MUC5B: variants seen among roughly 807,000 people sequenced by gnomAD.
MUC5B encodes the protein mucin-5B.
In MUC5B, 116 loss-of-function variants were observed where a neutral mutation model predicts 376.9. That is an observed-to-expected ratio of 0.31 (90% CI 0.26 to 0.36). MUC5B has a LOEUF of 0.36. MUC5B is among the 10% of genes least tolerant of loss of function. MUC5B has a pLI of 1.00. For missense variants in MUC5B, 7,165 were observed against 7,769.9 expected, an observed-to-expected ratio of 0.92 and a Z score of 2.93; for synonymous variants, 3,517 against 3,390.9, an observed-to-expected ratio of 1.04 and a Z score of -1.29.
At chr11:1,230,799 G>A in intron 12 of MUC5B, 137 bp from the exon 13 acceptor site, 1 of 1,102,250 alleles carries the variant, frequency 9.1e-7, no homozygotes, top group South Asian at 1.4e-5. Context: ...CAATTGCAGA[G>A]CCCACCGCAG....
intron 38 of MUC5B, 33 bp downstream of exon 38, chr11:1,256,258 C>A (rs1487133368): frequency 2.8e-6 from 2 of 716,932 alleles, no homozygotes; most frequent in East Asian, 2.7e-5. Context: ...CCTTCCCTGC[C>A]ACCCAGGCCT....
At position 1,247,114 on chromosome 11, in the gene MUC5B, A is replaced by G; in HGVS notation, c.10234A>G (p.Thr3412Ala). The change falls in exon 31 of 49, where the codon ACA (threonine) becomes GCA (alanine). Residue 3412 changes from threonine to alanine, a missense_variant. By Grantham distance (58) the Thr-to-Ala change is moderately conservative. Transcript: ENST00000529681. Reference protein sequence around the residue: ...STTNPSSTPGTTPIPPVLTTT... With the variant: ...STTNPSSTPGATPIPPVLTTT... ...CACCAACCCCTCCTCAACTCCAGGG[A>G]CAACTCCCATCCCCCCAGTGCTGAC... 6.4e-7 allele frequency: 1 copy of G among 1,566,952 alleles called. No individual in the cohort carries two copies. Among genetic ancestry groups the G allele is most frequent in the Non-Finnish European group, 8.6e-7 (1 of 1,156,584 alleles).
rs565357167 is a variant in MUC5B, at chr11:1,261,726, G to A, written c.*118G>A. 20 of 1,021,342 alleles carry A rather than the reference G, an allele frequency of 2.0e-5. No individual in the cohort carries two copies. Among genetic ancestry groups the A allele is most frequent in the Admixed American group, 9.9e-5 (5 of 50,278 alleles). 63.3% of individuals were successfully genotyped at this position (1,021,342 alleles called of 1,614,324 possible). A position where few individuals can be genotyped will look rare whatever the true frequency, so the allele number is the denominator to read the frequency against. The stretch of plus-strand genomic sequence containing the variant: ...CCCCGGCCTGTGTGTGGCACCCCGC[G>A]CTCCGTGCTCCTGCTGCCCACCCCG... On this transcript the variant is annotated 3_prime_UTR_variant, in exon 49 of 49. Transcript: ENST00000529681.
Position 1,259,926 on chromosome 11 carries a change from TC to T in MUC5B, c.16801-34del, listed in dbSNP as rs762060023. 5 of 1,612,664 alleles carry T rather than the reference TC, an allele frequency of 3.1e-6. No individual in the cohort carries two copies. The South Asian group carries it at 5.5e-5, about 18-fold the overall frequency. On this transcript the variant is annotated intron_variant, in intron 45 of 48. Coordinates refer to ENST00000529681, the MANE Select transcript of MUC5B (RefSeq NM_002458.3). The stretch of plus-strand genomic sequence containing the variant: ...CAATGGGGCTCTGCACAAGAGGTAA[TC>T]CCTACTCAGCTTCCACACTCACCCT...
In MUC5B at chr11:1,258,465, C is replaced by T; in HGVS notation, c.16593+98C>T. 1 of 1,444,540 alleles carries T rather than the reference C, an allele frequency of 6.9e-7. No individual in the cohort carries two copies. The highest frequency in any genetic ancestry group is 9.4e-7 in the Non-Finnish European group (1 of 1,059,114). 89.5% of individuals were successfully genotyped at this position (1,444,540 alleles called of 1,614,324 possible). On this transcript the variant is annotated intron_variant, in intron 43 of 48. Transcript: ENST00000529681. The surrounding 1 kb of genome is among the most constrained non-coding windows in gnomAD (Gnocchi z 5.5). Reference sequence around the variant, plus strand: ...AGCCCCACTCCTTGTCTTGACATTCCTGCCCTGAGGGCCGATCCGCACAGG... The same window carrying T: ...AGCCCCACTCCTTGTCTTGACATTCTTGCCCTGAGGGCCGATCCGCACAGG...
rs746616975 is a variant in MUC5B, at chr11:1,261,461, G to A, written c.17142G>A (p.Thr5714=). The change falls in exon 49 of 49, where the codon ACG becomes ACA. Residue 5714 remains threonine, a synonymous_variant. Coordinates refer to ENST00000529681, the MANE Select transcript of MUC5B (RefSeq NM_002458.3). ...CCQERRVHEE[T]VPLHCPNGSA... ...AGGAGAGGCGGGTCCACGAGGAGAC[G>A]GTGCCCTTGCACTGTCCTAACGGCT... 1.6e-5 allele frequency: 25 copies of A among 1,552,394 alleles called. No homozygotes were observed. In the East Asian group the frequency reaches 2.7e-4, roughly 17 times the overall value.
chr11:1,247,016 C>G lies in MUC5B; in HGVS notation c.10136C>G (p.Ser3379Cys), dbSNP rs1312270238. The stretch of plus-strand genomic sequence containing the variant: ...ACTGGTTCTATGGCAACACCCTCCT[C>G]TAGCACACAGACCAGTGGTACTCCC... ...VATGSMATPS[S>C]STQTSGTPPS... is the part of the protein sequence containing the mutation. The change falls in exon 31 of 49, where the codon TCT becomes TGT. Residue 3379 changes from serine to cysteine, a missense_variant. Transcript: ENST00000529681. 1.9e-6 allele frequency: 3 copies of G among 1,553,636 alleles called. No individual in the cohort carries two copies. The South Asian group carries it at 3.5e-5, about 18-fold the overall frequency.
intron 27 of MUC5B, 105 bp downstream of exon 27, chr11:1,239,671 CACAA>C: frequency 1.3e-6 from 2 of 1,494,758 alleles, no homozygotes; most frequent in Non-Finnish European, 1.8e-6. Flanking sequence ...CCGTAAACTG[CACAA>C]TGCAAGCCTT....
chr11:1,258,499 A>G lies in MUC5B; in HGVS notation c.16593+132A>G. ...GGGCCGATCCGCACAGGGGCCCTGGACACGTCAGAGCTGGGACATGCTTGG... is the reference window on the plus strand; with the variant it reads ...GGGCCGATCCGCACAGGGGCCCTGGGCACGTCAGAGCTGGGACATGCTTGG... On this transcript the variant is annotated intron_variant, in intron 43 of 48. Coordinates refer to ENST00000529681, the MANE Select transcript of MUC5B (RefSeq NM_002458.3). The surrounding 1 kb of genome is among the most constrained non-coding windows in gnomAD (Gnocchi z 5.5). 1 of 1,096,258 alleles carries G rather than the reference A, an allele frequency of 9.1e-7. No individual in the cohort carries two copies. The highest frequency in any genetic ancestry group is 2.6e-5 in the East Asian group (1 of 38,814). 67.9% of individuals were successfully genotyped at this position (1,096,258 alleles called of 1,614,324 possible).
Position 1,251,109 on chromosome 11 carries a change from A to C in MUC5B, c.14229A>C (p.Thr4743=), listed in dbSNP as rs768495560. Residue 4743 remains threonine (T), a synonymous_variant, in exon 31 of 49, where the codon ACA becomes ACC. Transcript: ENST00000529681. ...TTCCAGTGCTGACAAGCACAGCCAC[A>C]AAATCCACAGCTACCAGCTTTACAC... ...TTLPVLTSTA[T]KSTATSFTPI... is the part of the protein sequence containing the mutation. The C allele has an allele frequency of 1.5e-5, 24 of 1,610,034 alleles. 1 individual carries two copies. The highest frequency in any genetic ancestry group is 3.3e-5 in the Admixed American group (2 of 59,876).
At chr11:1,240,455 C>T in intron 30 of MUC5B, 80 bp downstream of exon 30, 3 of 1,327,142 alleles carry the variant, frequency 2.3e-6, no homozygotes, top group South Asian at 2.7e-5. Context: ...GTGCAGGTGC[C>T]CTGTATGGTA....
At chr11:1,240,402 C>G in intron 30 of MUC5B, 27 bp downstream of exon 30, 1 of 1,561,472 alleles carries the variant, frequency 6.4e-7, no homozygotes, top group South Asian at 1.2e-5. Context: ...TCTCCTGAGG[C>G]CCAGTACCGT....
Position 1,247,251 on chromosome 11 carries a change from G to A in MUC5B, c.10371G>A (p.Arg3457=), listed in dbSNP as rs186744090. 38,298 of 1,564,668 alleles carry A rather than the reference G, an allele frequency of 0.024. 1,752 individuals are homozygous for A. The highest frequency in any genetic ancestry group is 0.1 in the African/African-American group (7,154 of 71,618). The change falls in exon 31 of 49, where the codon CGG becomes CGA. Residue 3457 remains arginine, a synonymous_variant. Transcript: ENST00000529681. ...VPNTTATTHG[R]SLPPSSPHTV... ...ACACCACGGCCACCACACACGGGCGGTCCCTGCCCCCCAGCAGTCCCCACA... is the reference window on the plus strand; with the variant it reads ...ACACCACGGCCACCACACACGGGCGATCCCTGCCCCCCAGCAGTCCCCACA...
chr11:1,254,986 GGGGCTGTGAAAGGCTCCCCA>G, intron 35 of MUC5B, 35 bp from the exon 36 acceptor site: 1 of 592,856 alleles, frequency 1.7e-6, no homozygotes, highest in Non-Finnish European at 3.0e-6. Flanking sequence ...GAGGGGGGTG[GGGGCTGTGAAAGGCTCCCCA>G]GATTCCAGCC....
rs749699981 is a variant in MUC5B at position 1,227,026 on chromosome 11, C to T, written c.462-5C>T. The T allele has an allele frequency of 2.7e-5, 43 of 1,605,504 alleles. No individual in the cohort carries two copies. Among genetic ancestry groups the T allele is most frequent in the Admixed American group, 1.3e-4 (8 of 59,578 alleles). ...GCCCAGGGAGAGACCCCGCTGTCTGCGCAGGGAGGAGCTGCCTTACAGCCG... is the reference window on the plus strand; with the variant it reads ...GCCCAGGGAGAGACCCCGCTGTCTGTGCAGGGAGGAGCTGCCTTACAGCCG... On this transcript the variant is annotated splice_polypyrimidine_tract_variant and splice_region_variant and intron_variant, in intron 4 of 48. Transcript: ENST00000529681.
In MUC5B at chr11:1,250,267, A is replaced by C. The variant is rs1862637039; in HGVS notation, c.13387A>C (p.Thr4463Pro). 1.2e-6 allele frequency: 2 copies of C among 1,612,354 alleles called. No individual in the cohort carries two copies. Among genetic ancestry groups the C allele is most frequent in the South Asian group, 1.1e-5 (1 of 91,032 alleles). The change falls in exon 31 of 49, where the codon ACC becomes CCC. Residue 4463 changes from threonine (T) to proline (P), a missense_variant. Coordinates refer to ENST00000529681, the MANE Select transcript of MUC5B (RefSeq NM_002458.3). ...PSTTATVTVPTGSTATASSTQ... is the reference protein window; with the variant it reads ...PSTTATVTVPPGSTATASSTQ... ...CACTACAGCCACCGTGACGGTGCCC[A>C]CCGGATCCACGGCCACCGCCTCCTC...
Position 1,244,706 on chromosome 11 carries a change from T to A in MUC5B, c.7826T>A (p.Leu2609Gln), listed in dbSNP as rs2943496. Reference sequence around the variant, plus strand: ...GGAACAGCTCACACTACCAAAGTGCTGACTACCACAACCACGGGCTTCACA... The same window carrying A: ...GGAACAGCTCACACTACCAAAGTGCAGACTACCACAACCACGGGCTTCACA... Reference protein sequence around the residue: ...TPGTAHTTKVLTTTTTGFTAT... With the variant: ...TPGTAHTTKVQTTTTTGFTAT... The change falls in exon 31 of 49, where the codon CTG (leucine) becomes CAG (glutamine). Residue 2609 changes from leucine to glutamine, a missense_variant. Leu to Gln is a moderately radical substitution (Grantham distance 113). Coordinates refer to ENST00000529681, the MANE Select transcript of MUC5B (RefSeq NM_002458.3). 6.2e-7 allele frequency: 1 copy of A among 1,610,074 alleles called. No individual in the cohort carries two copies. Among genetic ancestry groups the A allele is most frequent in the Non-Finnish European group, 8.5e-7 (1 of 1,178,560 alleles).
intron 2 of MUC5B, 144 bp downstream of exon 2, chr11:1,225,881 C>T: frequency 1.3e-6 from 1 of 784,406 alleles, no homozygotes; most frequent in Non-Finnish European, 2.0e-6. Flanking sequence ...CAATACCCAG[C>T]ACCCGAGGCG....
intron 14 of MUC5B, 113 bp from the exon 15 acceptor site, chr11:1,231,883 T>A: frequency 7.0e-7 from 1 of 1,424,446 alleles, no homozygotes; most frequent in Non-Finnish European, 9.6e-7. Flanking sequence ...AGCAGAATCC[T>A]GGGACAGGGC....
Sources: gnomAD v4.1 joint callset for allele counts on GRCh38, gnomAD v4.1.1 for gene constraint, Gnocchi (gnomAD v3.1) non-coding constraint, MANE v1.5 for transcripts, NCBI Gene and HGNC (gene_info 2026-07-23, HGNC 2026-07-21) for gene names.